The following CRISP3 variants were observed in gnomAD, a reference collection of about 807,000 sequenced individuals.
CRISP3 encodes the protein cysteine rich secretory protein 3, also known as cysteine-rich secretory protein 3.
In CRISP3, 33 loss-of-function variants were observed where a neutral mutation model predicts 36.1. The observed-to-expected ratio is 0.91, with a 90% confidence interval of 0.69 to 1.22. CRISP3 has a LOEUF of 1.22. Ranked by LOEUF, CRISP3 falls within the 50% of genes most tolerant of loss-of-function variation. The pLI, the probability that CRISP3 is intolerant of heterozygous loss-of-function variation, is 0.00. For missense variants in CRISP3, 330 were observed against 301.2 expected (o/e 1.10, Z -0.71); for synonymous variants, 117 against 104.6 (o/e 1.12, Z -0.72).
intron 4 of CRISP3, among the ~76,000 whole-genome samples, chr6:49,734,695 A>G (rs982947398): frequency 3.3e-5 from 5 of 152,210 alleles, no homozygotes; most frequent in African/African-American, 1.2e-4. Flanking sequence ...CCTTTCATAA[A>G]TTTATTATAG....
chr6:49,742,735 T>G (rs1186963982), intron 1 of CRISP3, among the ~76,000 whole-genome samples: 1 of 152,056 alleles, frequency 6.6e-6, no homozygotes, highest in Non-Finnish European at 1.5e-5. Context: ...CTTCAAACAT[T>G]TGTTGACAAA....
rs114690498 is a variant in CRISP3, at chr6:49,735,207, G to A, written c.316+297C>T. Among the ~76,000 whole-genome samples, 1,015 of 152,120 alleles carry A rather than the reference G, an allele frequency of 6.7e-3. 7 individuals carry two copies. The highest frequency in any genetic ancestry group is 0.011 in the Non-Finnish European group (739 of 67,970). ...ATTGCCAATCATCATTTTCTTCCAG[G>A]CTGTTGATTTTCTAATCTCTGTAAT... On this transcript the variant is annotated intron_variant, in intron 4 of 7. Transcript: ENST00000263045.
chr6:49,735,374 G>A, intron 4 of CRISP3, 130 bp downstream of exon 4: 1 of 658,584 alleles, frequency 1.5e-6, no homozygotes, highest in Non-Finnish European at 2.6e-6. Context: ...TCTACATGTA[G>A]ATAGTCCATA....
chr6:49,728,367 T>A lies in CRISP3; in HGVS notation c.*363A>T, dbSNP rs1768821723. On this transcript the variant is annotated 3_prime_UTR_variant, in exon 8 of 8. Transcript: ENST00000263045. ...TTCATGTGAAAATTATATTGTTCTT[T>A]TTGTACATTTTGTTCTAGGAACATA... 6.3e-6 allele frequency: 1 copy of A among 158,082 alleles called. No homozygotes were observed. The highest frequency in any genetic ancestry group is 1.4e-5 in the Non-Finnish European group (1 of 72,100). 9.8% of individuals were successfully genotyped at this position (158,082 alleles called of 1,614,324 possible).
intron 1 of CRISP3, among the ~76,000 whole-genome samples, chr6:49,738,566 C>T (rs1037622750): frequency 1.3e-5 from 2 of 152,198 alleles, no homozygotes. Context: ...TCCTCCTGAA[C>T]CTCAGCTCTG....
rs200510617 is a variant in CRISP3, at chr6:49,742,101, T to TA, written c.37+2229dup. ...AGATTTAAGAAACACTTATAACAGTTAAAAAAACTATACAGTATCTGGGAA... is the reference window on the plus strand; with the variant it reads ...AGATTTAAGAAACACTTATAACAGTTAAAAAAAACTATACAGTATCTGGGAA... On this transcript the variant is annotated intron_variant, in intron 1 of 7. Transcript: ENST00000263045. Among the ~76,000 whole-genome samples the TA allele has an allele frequency of 7.3e-4, 111 of 151,800 alleles. 2 individuals are homozygous for TA. The East Asian group carries it at 0.017, about 24-fold the overall frequency.
intron 1 of CRISP3, among the ~76,000 whole-genome samples, chr6:49,743,708 A>G (rs1769262815): frequency 6.6e-6 from 1 of 152,168 alleles, no homozygotes; most frequent in Non-Finnish European, 1.5e-5. Context: ...TATGCACGAT[A>G]GATATTATAT....
intron 1 of CRISP3, among the ~76,000 whole-genome samples, chr6:49,740,869 A>C (rs1022079177): frequency 6.6e-6 from 1 of 152,038 alleles, no homozygotes; most frequent in African/African-American, 2.4e-5. Flanking sequence ...TGGGAGGCCG[A>C]GGTGAGCAGA....
Position 49,733,701 on chromosome 6 carries a change from A to G in CRISP3, c.462+2T>C, listed in dbSNP as rs758268585. The G allele has an allele frequency of 3.7e-6, 6 of 1,610,686 alleles. No individual in the cohort carries two copies. Among genetic ancestry groups the G allele is most frequent in the East Asian group, 2.2e-5 (1 of 44,810 alleles). ...AGATGGTTTTTCATTTCTTCTCCTT[A>G]CCTGTGTATAATGTCCAACCACTGC... On this transcript the variant is annotated splice_donor_variant, in intron 5 of 7. Transcript: ENST00000263045. LOFTEE classifies it high-confidence loss of function.
chr6:49,736,758 G>A (rs551707622), intron 2 of CRISP3, among the ~76,000 whole-genome samples: 1 of 152,240 alleles, frequency 6.6e-6, no homozygotes, highest in South Asian at 2.1e-4. Context: ...CAATTTCTGG[G>A]TTAAGAGAGG....
rs1375040064 is a variant in CRISP3 at position 49,734,955 on chromosome 6, G to T, written c.316+549C>A. ...TTGTAAACATCCAGAAAATATAAAA[G>T]ACATGGCTTACTGTCATCAAAAATT... On this transcript the variant is annotated intron_variant, in intron 4 of 7. Coordinates refer to ENST00000263045, the MANE Select transcript of CRISP3 (RefSeq NM_006061.4). Among the ~76,000 whole-genome samples, 3 of 151,994 alleles carry T rather than the reference G, an allele frequency of 2.0e-5. No homozygotes were observed. In the East Asian group the frequency reaches 5.8e-4, roughly 29 times the overall value.
In CRISP3 at chr6:49,730,736, T is replaced by C. The variant is rs566446228; in HGVS notation, c.649+427A>G. Among the ~76,000 whole-genome samples, 10 of 152,236 alleles carry C rather than the reference T, an allele frequency of 6.6e-5. No homozygotes were observed. The East Asian group carries it at 1.9e-3, about 29-fold the overall frequency. ...ACATAGATACTGAACAGTGTAAAAT[T>C]TTCACTTAAAAATGCTCTGTAAGGC... is the stretch of plus-strand genomic sequence containing the variant. On this transcript the variant is annotated intron_variant, in intron 7 of 7. Transcript: ENST00000263045.
chr6:49,742,631 CAAAAA>C (rs33995764), intron 1 of CRISP3, among the ~76,000 whole-genome samples: 3 of 71,242 alleles, frequency 4.2e-5, no homozygotes, highest in Non-Finnish European at 8.3e-5. Flanking sequence ...GACTCCATCT[CAAAAA>C]AAAAAAAAAA....
Position 49,731,226 on chromosome 6 carries a change from C to T in CRISP3, c.586G>A (p.Val196Ile). Residue 196 changes from valine (V) to isoleucine (I), a missense_variant, in exon 7 of 8, where the codon GTC becomes ATC. Val to Ile is a conservative substitution (Grantham distance 29). Transcript: ENST00000263045. ...CAAGGTGCTCCTTGTTCATAAGGGA[C>T]ATATAGTCTATTAGCCCAATTACCA... The part of the protein sequence containing the change: ...PAGNWANRLY[V>I]PYEQGAPCAS... 2 of 1,608,622 alleles carry T rather than the reference C, an allele frequency of 1.2e-6. No individual in the cohort carries two copies. Among genetic ancestry groups the T allele is most frequent in the Non-Finnish European group, 1.7e-6 (2 of 1,177,576 alleles).
Position 49,728,772 on chromosome 6 carries a change from G to A in CRISP3, c.735C>T (p.Asp245=). ...AACAATTGCAGGAGGCCTTGCAACT[G>A]TCCCTGACCAACTGATGTTTACAGG... The part of the protein sequence containing the change: ...TLTCKHQLVR[D]SCKASCNCSN... Residue 245 remains aspartate (D), a synonymous_variant, in exon 8 of 8, where the codon GAC becomes GAT. Coordinates refer to ENST00000263045, the MANE Select transcript of CRISP3 (RefSeq NM_006061.4). 2 of 1,612,430 alleles carry A rather than the reference G, an allele frequency of 1.2e-6. No homozygotes were observed. Among genetic ancestry groups the A allele is most frequent in the Non-Finnish European group, 1.7e-6 (2 of 1,179,132 alleles).
At chr6:49,742,567 G>T (rs758081223) in intron 1 of CRISP3, among the ~76,000 whole-genome samples, 10 of 150,284 alleles carry the variant, frequency 6.7e-5, no homozygotes, top group Non-Finnish European at 1.2e-4. Flanking sequence ...AGGAGGTGGA[G>T]GTTGCAGCGA....
chr6:49,742,523 T>C (rs1450351333), intron 1 of CRISP3, among the ~76,000 whole-genome samples: 1 of 146,110 alleles, frequency 6.8e-6, no homozygotes, highest in Non-Finnish European at 1.5e-5. Context: ...TCCCAGCTAC[T>C]GGGGAGGCTG....
In CRISP3 at chr6:49,728,563, T is replaced by A; in HGVS notation, c.*167A>T. The A allele has an allele frequency of 2.0e-6, 1 of 500,726 alleles. No homozygotes were observed. The highest frequency in any genetic ancestry group is 3.2e-6 in the Non-Finnish European group (1 of 314,770). 31.0% of individuals were successfully genotyped at this position (500,726 alleles called of 1,614,324 possible). On this transcript the variant is annotated 3_prime_UTR_variant, in exon 8 of 8. Transcript: ENST00000263045. ...TTTTAACCATTTGTATGAAAAATAT[T>A]TTTGTAAAATAAAAAGCAGATCCAG...
chr6:49,734,365 C>A (rs1197587581), intron 4 of CRISP3, among the ~76,000 whole-genome samples: 1 of 152,116 alleles, frequency 6.6e-6, no homozygotes, highest in Admixed American at 6.6e-5. Context: ...AAACATGAAG[C>A]AAATGACACC....
Sources: gnomAD v4.1 joint callset for allele counts (sites outside exome capture counted in the v4.1 genomes callset) on GRCh38, gnomAD v4.1.1 for gene constraint, MANE v1.5 for transcripts, NCBI Gene and HGNC (gene_info 2026-07-23, HGNC 2026-07-21) for gene names.